MPPED1: variants seen among roughly 807,000 people sequenced by gnomAD.
MPPED1 encodes the protein metallophosphoesterase domain containing 1, also known as metallophosphoesterase domain-containing protein 1.
A neutral mutation model predicts 36.2 loss-of-function variants in MPPED1; 16 were observed. The observed-to-expected ratio is 0.44, with a 90% CI of 0.30 to 0.67. MPPED1 has a LOEUF of 0.67. MPPED1 is among the 30% of genes least tolerant of loss of function. MPPED1 has a pLI of 0.10. For synonymous variants in MPPED1, 199 were observed against 191.3 expected (o/e 1.04, Z -0.33); for missense variants, 307 against 453.4 (o/e 0.68, Z 2.93).
intron 2 of MPPED1, among the ~76,000 whole-genome samples, chr22:43,431,020 A>ATTTT (rs1569066380): frequency 1.8e-5 from 1 of 55,722 alleles, no homozygotes; most frequent in Non-Finnish European, 4.1e-5. Context: ...TGTTGTTGTT[A>ATTTT]ATTTTTTTTT....
chr22:43,479,942 G>A (rs775269247), intron 4 of MPPED1, among the ~76,000 whole-genome samples: 4 of 152,144 alleles, frequency 2.6e-5, no homozygotes, highest in African/African-American at 7.2e-5. Flanking sequence ...AGCTCACTGC[G>A]GCCTCGACTG....
chr22:43,495,470 ATGGTGGAGG>A (rs1569088570), intron 4 of MPPED1, among the ~76,000 whole-genome samples: 1 of 49,930 alleles, frequency 2.0e-5, no homozygotes, highest in Non-Finnish European at 3.7e-5. Context: ...AGTGCTGGTG[ATGGTGGAGG>A]TGGTGGTGGA....
chr22:43,479,143 A>G (rs1436927493), intron 4 of MPPED1, among the ~76,000 whole-genome samples: 1 of 151,722 alleles, frequency 6.6e-6, no homozygotes, highest in Non-Finnish European at 1.5e-5. Context: ...GGCGCCGGCC[A>G]CCCGGGCATA....
chr22:43,429,308 C>A (rs1033077743), intron 2 of MPPED1, among the ~76,000 whole-genome samples: 2 of 152,204 alleles, frequency 1.3e-5, no homozygotes, highest in African/African-American at 2.4e-5. Flanking sequence ...AGACATGGAG[C>A]TCAGCCTGGA....
At position 43,506,053 on chromosome 22, in the gene MPPED1, GTGAGCT is replaced by G; in HGVS notation, c.*438_*443del. 2 of 162,370 alleles carry G rather than the reference GTGAGCT, an allele frequency of 1.2e-5. No individual in the cohort carries two copies. Among genetic ancestry groups the G allele is most frequent in the Non-Finnish European group, 2.7e-5 (2 of 74,386 alleles). The allele number at this position is 162,370 out of a possible 1,614,324, so 10.1% of individuals were successfully genotyped here. On this transcript the variant is annotated 3_prime_UTR_variant, in exon 7 of 7. Transcript: ENST00000443721. Reference sequence around the variant, plus strand: ...TGGGTTGGGGTGGGTGGGAGGATTCGTGAGCTGCACACAGACAGTCCCTTTCTCTCC... The same window carrying G: ...TGGGTTGGGGTGGGTGGGAGGATTCGGCACACAGACAGTCCCTTTCTCTCC...
At chr22:43,477,808 A>G (rs1931624649) in intron 4 of MPPED1, among the ~76,000 whole-genome samples, 1 of 152,134 alleles carries the variant, frequency 6.6e-6, no homozygotes, top group South Asian at 2.1e-4. Context: ...GGATACCACC[A>G]CTTTTCAGCT....
rs776108565 is a variant in MPPED1, at chr22:43,447,883, A to ATTTTT, written c.406+12678_406+12682dup. ...ATTATATATATATATATATATATAT[A>ATTTTT]TTTTTTTTTTTTTTAGACAAAGTCT... is the stretch of plus-strand genomic sequence containing the variant. On this transcript the variant is annotated intron_variant, in intron 3 of 6. Coordinates refer to ENST00000443721, the MANE Select transcript of MPPED1 (RefSeq NM_001044370.2). Among the ~76,000 whole-genome samples, 143 of 67,698 alleles carry ATTTTT rather than the reference A, an allele frequency of 2.1e-3. 2 individuals are homozygous for ATTTTT. The highest frequency in any genetic ancestry group is 6.6e-3 in the African/African-American group (99 of 14,932). 44.4% of individuals were successfully genotyped at this position (67,698 alleles called of 152,430 possible).
At chr22:43,460,254 CAAA>C (rs1930905628) in intron 3 of MPPED1, among the ~76,000 whole-genome samples, 9 of 130,610 alleles carry the variant, frequency 6.9e-5, no homozygotes, top group Non-Finnish European at 1.3e-4. Context: ...AAAACAAAAA[CAAA>C]CCCAAACCCC....
At chr22:43,466,364 C>A (rs966111405) in intron 3 of MPPED1, among the ~76,000 whole-genome samples, 1 of 152,070 alleles carries the variant, frequency 6.6e-6, no homozygotes, top group African/African-American at 2.4e-5. Context: ...AGACCTGGGT[C>A]CCAGTGAGCT....
intron 3 of MPPED1, among the ~76,000 whole-genome samples, chr22:43,458,517 C>T (rs1442501589): frequency 6.6e-6 from 1 of 152,144 alleles, no homozygotes; most frequent in African/African-American, 2.4e-5. Context: ...ATCTCCTGAC[C>T]TCGTGATCCG....
chr22:43,449,214 G>A (rs1325500096), intron 3 of MPPED1, among the ~76,000 whole-genome samples: 1 of 152,190 alleles, frequency 6.6e-6, no homozygotes, highest in African/African-American at 2.4e-5. Flanking sequence ...CTGGACAGAA[G>A]TTTACAGTTT....
chr22:43,447,000 C>T (rs913329201), intron 3 of MPPED1, among the ~76,000 whole-genome samples: 1 of 152,198 alleles, frequency 6.6e-6, no homozygotes, highest in Non-Finnish European at 1.5e-5. Context: ...ACTTGCAGCT[C>T]ACCTGCCTCC....
At chr22:43,436,478 G>T (rs114308703) in intron 3 of MPPED1, among the ~76,000 whole-genome samples, 450 of 152,370 alleles carry the variant, frequency 3.0e-3, no homozygotes, top group African/African-American at 0.011. Context: ...CTTCTGTTTG[G>T]CAGGCAGAGG....
Position 43,463,084 on chromosome 22 carries a change from A to G in MPPED1, c.407-11652A>G, listed in dbSNP as rs1003083. ...GGAAGGCATTTTTCCTTTTTTTTTC[A>G]GTGTCACTGTTGAAAATTCCACTGC... On this transcript the variant is annotated intron_variant, in intron 3 of 6. Transcript: ENST00000443721. Among the ~76,000 whole-genome samples, 8 of 151,796 alleles carry G rather than the reference A, an allele frequency of 5.3e-5. No individual in the cohort carries two copies. The East Asian group carries it at 1.5e-3, about 29-fold the overall frequency.
intron 1 of MPPED1, among the ~76,000 whole-genome samples, chr22:43,422,787 C>T (rs539300292): frequency 2.0e-5 from 3 of 152,298 alleles, no homozygotes; most frequent in South Asian, 2.1e-4. Context: ...ACTCAGGATT[C>T]CTGCTTACTT....
rs551741841 is a variant in MPPED1, at chr22:43,421,976, G to A, written c.-78-2932G>A. ...AAACAGAGCTTCTGGAGGTTCAGCC[G>A]CTTGCTCAGGGTCACAGAGCTGCTG... On this transcript the variant is annotated intron_variant, in intron 1 of 6. Coordinates refer to ENST00000443721, the MANE Select transcript of MPPED1 (RefSeq NM_001044370.2). Among the ~76,000 whole-genome samples the A allele has an allele frequency of 1.4e-4, 22 of 152,324 alleles. 1 individual carries two copies. The highest frequency in any genetic ancestry group is 6.2e-4 in the South Asian group (3 of 4,824).
At chr22:43,480,344 C>T (rs1425834646) in intron 4 of MPPED1, among the ~76,000 whole-genome samples, 1 of 152,190 alleles carries the variant, frequency 6.6e-6, no homozygotes, top group East Asian at 1.9e-4. Context: ...ACCCCCTGCT[C>T]AGTGCTTGCT....
intron 4 of MPPED1, among the ~76,000 whole-genome samples, chr22:43,497,809 T>C (rs1490456512): frequency 7.1e-6 from 1 of 141,570 alleles, no homozygotes; most frequent in Non-Finnish European, 1.5e-5. Flanking sequence ...GGAGGGAGGA[T>C]GGAGGGGCAT....
At chr22:43,475,880 TG>T (rs1347981079) in intron 4 of MPPED1, among the ~76,000 whole-genome samples, 52 of 120,590 alleles carry the variant, frequency 4.3e-4, no homozygotes, top group African/African-American at 1.6e-3. Flanking sequence ...CTGCTGATGA[TG>T]GTGATGATGG....
Sources: allele counts gnomAD v4.1 joint callset (sites outside exome capture counted in the v4.1 genomes callset), GRCh38; gene constraint gnomAD v4.1.1; transcripts MANE v1.5; gene names NCBI Gene and HGNC (gene_info 2026-07-23, HGNC 2026-07-21).